SBF2: variants seen among roughly 807,000 people sequenced by gnomAD.
SBF2 encodes the protein myotubularin-related protein 13.
A neutral mutation model predicts 225.2 loss-of-function variants in SBF2; 112 were observed. The ratio of observed to expected loss-of-function variants is 0.50; its 90% CI spans 0.43 to 0.58. The LOEUF is 0.58. SBF2 is among the 20% of genes least tolerant of loss of function. The pLI is 0.00. For missense variants in SBF2, 1,996 were observed against 2,206.2 expected (o/e 0.90, Z 1.91); for synonymous variants, 763 against 773.3 (o/e 0.99, Z 0.22).
intron 13 of SBF2, among the ~76,000 whole-genome samples, chr11:9,980,221 T>C (rs150638865): frequency 2.0e-5 from 3 of 149,486 alleles, no homozygotes; most frequent in Admixed American, 6.7e-5. Context: ...CCTCAAGTGA[T>C]CTGCCCGCCT....
At chr11:10,156,237 G>A (rs945795814) in intron 2 of SBF2, among the ~76,000 whole-genome samples, 3 of 152,234 alleles carry the variant, frequency 2.0e-5, no homozygotes, top group African/African-American at 7.2e-5. Flanking sequence ...GGGTGGTGCT[G>A]ACATGACAGC....
chr11:10,016,429 CTACT>C (rs1159281868), intron 6 of SBF2: 1 of 152,044 alleles, frequency 6.6e-6, no homozygotes, highest in African/African-American at 2.4e-5. Flanking sequence ...AATTGAAATA[CTACT>C]TAAATTCTTT....
intron 2 of SBF2, among the ~76,000 whole-genome samples, chr11:10,080,088 A>G (rs1951299323): frequency 6.6e-6 from 1 of 151,948 alleles, no homozygotes. Flanking sequence ...TCTCTACTAA[A>G]AACACAAAAA....
chr11:10,224,479 C>A (rs1345575440), intron 1 of SBF2, among the ~76,000 whole-genome samples: 1 of 152,102 alleles, frequency 6.6e-6, no homozygotes, highest in Non-Finnish European at 1.5e-5. Flanking sequence ...CCTTACTAAG[C>A]TTACAAGATC....
intron 2 of SBF2, among the ~76,000 whole-genome samples, chr11:10,061,113 A>G (rs997416759): frequency 7.9e-5 from 12 of 152,198 alleles, no homozygotes; most frequent in Non-Finnish European, 1.3e-4. Context: ...ACATAATTAT[A>G]TCACTAGATG....
chr11:10,204,884 T>C (rs974032276), intron 1 of SBF2, among the ~76,000 whole-genome samples: 12 of 151,232 alleles, frequency 7.9e-5, no homozygotes, highest in Admixed American at 2.0e-4. Flanking sequence ...ATAGGGTTTC[T>C]TTGGGGTGAT....
chr11:10,222,432 A>G (rs1250053074), intron 1 of SBF2, among the ~76,000 whole-genome samples: 4 of 152,216 alleles, frequency 2.6e-5, no homozygotes, highest in African/African-American at 7.2e-5. Flanking sequence ...AAAGCAATAG[A>G]AACCTAAAAA....
chr11:10,114,573 C>T (rs573753173), intron 2 of SBF2, among the ~76,000 whole-genome samples: 1 of 152,274 alleles, frequency 6.6e-6, no homozygotes, highest in East Asian at 1.9e-4. Flanking sequence ...ATAGTAAGAA[C>T]TACACAGTGG....
chr11:9,810,002 G>A (rs188861238), intron 30 of SBF2, among the ~76,000 whole-genome samples: 1 of 152,270 alleles, frequency 6.6e-6, no homozygotes, highest in East Asian at 1.9e-4. Flanking sequence ...CTGGCTGGGT[G>A]TGGTGGCTCA....
chr11:10,021,594 T>C (rs965942243), intron 6 of SBF2, among the ~76,000 whole-genome samples: 13 of 152,124 alleles, frequency 8.5e-5, no homozygotes, highest in African/African-American at 3.1e-4. Context: ...TTTTAAACTG[T>C]GAAAAACAAA....
chr11:9,845,452 C>T (rs113956171), intron 24 of SBF2, 113 bp downstream of exon 24: 6 of 982,084 alleles, frequency 6.1e-6, no homozygotes, highest in African/African-American at 1.6e-5. Context: ...TTGACAGAAA[C>T]AGAACAGTGA....
intron 1 of SBF2, among the ~76,000 whole-genome samples, chr11:10,217,129 T>C (rs1958162744): frequency 6.6e-6 from 1 of 152,142 alleles, no homozygotes; most frequent in South Asian, 2.1e-4. Flanking sequence ...CTGACAATAT[T>C]AAATATTAAC....
At chr11:10,025,360 C>T (rs1949013218) in intron 6 of SBF2, among the ~76,000 whole-genome samples, 1 of 152,056 alleles carries the variant, frequency 6.6e-6, no homozygotes, top group Admixed American at 6.6e-5. Context: ...ATGGTCTCAA[C>T]TCAAATTATG....
chr11:10,293,977 C>T (rs897718234), intron 1 of SBF2, 38 bp downstream of exon 1: 2 of 1,293,010 alleles, frequency 1.5e-6, no homozygotes, highest in East Asian at 3.2e-5. Flanking sequence ...GGCCGGGGGG[C>T]GGGGAGGCCC....
At chr11:9,804,970 C>T (rs1156877173) in intron 32 of SBF2, among the ~76,000 whole-genome samples, 5 of 152,108 alleles carry the variant, frequency 3.3e-5, no homozygotes, top group African/African-American at 9.7e-5. Flanking sequence ...ATTAGCTGGG[C>T]ATGGTGGCTC....
chr11:10,246,703 A>G (rs1442635362), intron 1 of SBF2, among the ~76,000 whole-genome samples: 1 of 152,278 alleles, frequency 6.6e-6, no homozygotes, highest in Non-Finnish European at 1.5e-5. Context: ...ATTAAAAACA[A>G]TGAATCTAAA....
chr11:9,831,151 C>T (rs1855374303), intron 27 of SBF2, among the ~76,000 whole-genome samples: 1 of 152,094 alleles, frequency 6.6e-6, no homozygotes, highest in African/African-American at 2.4e-5. Flanking sequence ...GCACGTGCCA[C>T]CACGCCTGGC....
chr11:10,002,988 T>A (rs774003422), intron 6 of SBF2, among the ~76,000 whole-genome samples: 4 of 152,216 alleles, frequency 2.6e-5, no homozygotes. Flanking sequence ...TTTAGAATGC[T>A]AGCATTGTTC....
chr11:10,204,998 C>T (rs1324740817), intron 1 of SBF2, among the ~76,000 whole-genome samples: 5 of 137,042 alleles, frequency 3.6e-5, no homozygotes, highest in East Asian at 2.2e-4. Context: ...ATACACACCG[C>T]GGCCTGTTGG....
Sources: allele counts gnomAD v4.1 joint callset (sites outside exome capture counted in the v4.1 genomes callset), GRCh38; gene constraint gnomAD v4.1.1; transcripts MANE v1.5; gene names NCBI Gene and HGNC (gene_info 2026-07-23, HGNC 2026-07-21).